NEURL1: variants seen among roughly 807,000 people sequenced by gnomAD.
The protein encoded by NEURL1 is E3 ubiquitin-protein ligase NEURL1.
In NEURL1, 26 loss-of-function variants were observed where a neutral mutation model predicts 41.2. That is an observed-to-expected ratio of 0.63 (90% CI 0.46 to 0.87). NEURL1 has a LOEUF of 0.87. NEURL1 is among the 40% of genes least tolerant of loss of function. The pLI, the probability that NEURL1 is intolerant of heterozygous loss-of-function variation, is 0.00. For missense variants in NEURL1, 761 were observed against 871.1 expected (o/e 0.87, Z 1.59); for synonymous variants, 400 against 402.3 (o/e 0.99, Z 0.07).
At chr10:103,550,984 T>A (rs1173762824) in intron 1 of NEURL1, 1 of 152,212 alleles carries the variant, frequency 6.6e-6, no homozygotes, top group Non-Finnish European at 1.5e-5. Flanking sequence ...ATATATTTAC[T>A]TATAGCCTCT....
At position 103,494,331 on chromosome 10, in the gene NEURL1, G is replaced by C. The variant is rs1248064759; in HGVS notation, c.-57G>C. ...GCGCACACTCGCACACCGCACCTCA[G>C]CGCCTGCCCGGCCTCGCCCCCACCC... On this transcript the variant is annotated 5_prime_UTR_variant, in exon 1 of 6. Transcript: ENST00000369780. 1.1e-5 allele frequency: 16 copies of C among 1,463,760 alleles called. No homozygotes were observed. Among genetic ancestry groups the C allele is most frequent in the Non-Finnish European group, 1.3e-5 (14 of 1,072,234 alleles). The allele number at this position is 1,463,760 out of a possible 1,614,324, so 90.7% of individuals were successfully genotyped here.
At chr10:103,557,029 A>G (rs2035171178) in intron 1 of NEURL1, among the ~76,000 whole-genome samples, 2 of 152,190 alleles carry the variant, frequency 1.3e-5, no homozygotes, top group East Asian at 1.9e-4. Context: ...ACCTTAGCTC[A>G]TGCTCTGGGA....
intron 1 of NEURL1, among the ~76,000 whole-genome samples, chr10:103,520,732 T>G (rs899643581): frequency 4.6e-5 from 7 of 151,930 alleles, no homozygotes; most frequent in Admixed American, 3.9e-4. Context: ...TATGGAGAGA[T>G]AATGGGTGAT....
intron 1 of NEURL1, among the ~76,000 whole-genome samples, chr10:103,561,312 A>G (rs1228660573): frequency 1.3e-5 from 2 of 149,984 alleles, no homozygotes; most frequent in East Asian, 3.9e-4. Flanking sequence ...CCCAGGCTAG[A>G]GTGCAGTGGT....
At chr10:103,496,218 A>G (rs1031978835) in intron 1 of NEURL1, among the ~76,000 whole-genome samples, 1 of 152,172 alleles carries the variant, frequency 6.6e-6, no homozygotes, top group Non-Finnish European at 1.5e-5. Context: ...CTAGGCTAGG[A>G]TGTTCATGGC....
chr10:103,585,225 G>C lies in NEURL1; in HGVS notation c.1339G>C (p.Gly447Arg). Residue 447 changes from glycine (G) to arginine (R), a missense_variant and splice_region_variant, in exon 4 of 6, where the codon GGC (glycine) becomes CGC (arginine). Gly to Arg is a moderately radical substitution (Grantham distance 125, BLOSUM62 -2). Coordinates refer to ENST00000369780, the MANE Select transcript of NEURL1 (RefSeq NM_004210.5). Reference sequence around the variant, plus strand: ...GACCATCACGCAGATCCGCATCCTCGGTGAGTGCCCGCAGCTGCGCCTGGG... The same window carrying C: ...GACCATCACGCAGATCCGCATCCTCCGTGAGTGCCCGCAGCTGCGCCTGGG... ...HGTITQIRIL[G>R]STILAERGIP... is the part of the protein sequence containing the mutation. 1.3e-6 allele frequency: 2 copies of C among 1,523,356 alleles called. No homozygotes were observed. The highest frequency in any genetic ancestry group is 1.8e-6 in the Non-Finnish European group (2 of 1,136,852). 94.4% of individuals were successfully genotyped at this position (1,523,356 alleles called of 1,614,324 possible).
chr10:103,534,810 G>A (rs935222931), intron 1 of NEURL1, among the ~76,000 whole-genome samples: 1 of 152,074 alleles, frequency 6.6e-6, no homozygotes, highest in Non-Finnish European at 1.5e-5. Flanking sequence ...TGCCACCTGG[G>A]TCATGGGGTG....
At position 103,587,761 on chromosome 10, in the gene NEURL1, C is replaced by A. The variant is rs1441262325; in HGVS notation, c.1340-1753C>A. Among the ~76,000 whole-genome samples, 3 of 152,210 alleles carry A rather than the reference C, an allele frequency of 2.0e-5. No individual in the cohort carries two copies. The South Asian group carries it at 6.2e-4, about 32-fold the overall frequency. On this transcript the variant is annotated intron_variant, in intron 4 of 5. Coordinates refer to ENST00000369780, the MANE Select transcript of NEURL1 (RefSeq NM_004210.5). Reference sequence around the variant, plus strand: ...GTTGTTCTGAAAATTCTGGCCAATGCAACAAGGCAAGAAAAGTAAATAGGA... The same window carrying A: ...GTTGTTCTGAAAATTCTGGCCAATGAAACAAGGCAAGAAAAGTAAATAGGA...
At chr10:103,578,487 A>C (rs921016161) in intron 3 of NEURL1, among the ~76,000 whole-genome samples, 2 of 152,226 alleles carry the variant, frequency 1.3e-5, no homozygotes, top group Admixed American at 6.5e-5. Flanking sequence ...GCTGCAGAGA[A>C]GGCCAGAGAG....
At chr10:103,582,940 C>T (rs1269276818) in intron 3 of NEURL1, among the ~76,000 whole-genome samples, 2 of 152,102 alleles carry the variant, frequency 1.3e-5, no homozygotes, top group Non-Finnish European at 2.9e-5. Flanking sequence ...TTTTTCAATC[C>T]TGGATCTGCC....
At chr10:103,544,027 C>T (rs1376718945) in intron 1 of NEURL1, among the ~76,000 whole-genome samples, 3 of 152,122 alleles carry the variant, frequency 2.0e-5, no homozygotes, top group Non-Finnish European at 4.4e-5. Context: ...TCCTGATGCT[C>T]GGGAGCCACA....
rs1210970416 is a variant in NEURL1, at chr10:103,589,626, G to A, written c.1452G>A (p.Thr484=). 6.2e-6 allele frequency: 10 copies of A among 1,613,356 alleles called. No homozygotes were observed. Among genetic ancestry groups the A allele is most frequent in the African/African-American group, 1.3e-5 (1 of 74,916 alleles). The part of the protein sequence containing the change: ...GSRLSDPLLS[T]CSSGPLGSSA... ...GCCTGTCTGACCCCTTGCTCAGCAC[G>A]TGCAGCTCTGGCCCTCTGGGTAGCT... The change falls in exon 5 of 6, where the codon ACG becomes ACA. Residue 484 remains threonine (T), a synonymous_variant. Coordinates refer to ENST00000369780, the MANE Select transcript of NEURL1 (RefSeq NM_004210.5).
At chr10:103,504,270 C>A (rs180924350) in intron 1 of NEURL1, among the ~76,000 whole-genome samples, 313 of 152,160 alleles carry the variant, frequency 2.1e-3, no homozygotes, top group Admixed American at 4.5e-3. Context: ...GGATTACAGG[C>A]GGGAGCCACT....
chr10:103,510,395 A>G (rs1018581452), intron 1 of NEURL1, among the ~76,000 whole-genome samples: 26 of 152,190 alleles, frequency 1.7e-4, no homozygotes, highest in African/African-American at 5.5e-4. Flanking sequence ...GCTTGGTCCA[A>G]TTAGTGCCAA....
chr10:103,573,347 C>T (rs534560906), intron 3 of NEURL1, among the ~76,000 whole-genome samples: 2 of 152,252 alleles, frequency 1.3e-5, no homozygotes, highest in African/African-American at 4.8e-5. Context: ...CCCTGAGCTA[C>T]AGAGACCGGC....
chr10:103,523,628 T>A (rs975772601), intron 1 of NEURL1, among the ~76,000 whole-genome samples: 7 of 152,182 alleles, frequency 4.6e-5, no homozygotes, highest in Admixed American at 1.3e-4. Context: ...TGCCTCTGGT[T>A]ACTATTCTGT....
At chr10:103,575,584 T>C (rs531100882) in intron 3 of NEURL1, among the ~76,000 whole-genome samples, 1 of 152,230 alleles carries the variant, frequency 6.6e-6, no homozygotes, top group South Asian at 2.1e-4. Context: ...AGGCAGGGGC[T>C]GGTGTCTCTC....
chr10:103,553,477 C>T (rs764172132), intron 1 of NEURL1, among the ~76,000 whole-genome samples: 1 of 151,152 alleles, frequency 6.6e-6, no homozygotes, highest in African/African-American at 2.4e-5. Context: ...CTTGTGCGGA[C>T]TCGGGTGTCG....
chr10:103,585,224 C>T lies in NEURL1; in HGVS notation c.1338C>T (p.Leu446=), dbSNP rs1372275527. The change falls in exon 4 of 6, where the codon CTC becomes CTT. Residue 446 remains leucine, a splice_region_variant and synonymous_variant. Coordinates refer to ENST00000369780, the MANE Select transcript of NEURL1 (RefSeq NM_004210.5). ...LHGTITQIRI[L]GSTILAERGI... ...GGACCATCACGCAGATCCGCATCCTCGGTGAGTGCCCGCAGCTGCGCCTGG... is the reference window on the plus strand; with the variant it reads ...GGACCATCACGCAGATCCGCATCCTTGGTGAGTGCCCGCAGCTGCGCCTGG... 6.6e-7 allele frequency: 1 copy of T among 1,522,928 alleles called. No individual in the cohort carries two copies. The highest frequency in any genetic ancestry group is 8.8e-7 in the Non-Finnish European group (1 of 1,136,696). The allele number at this position is 1,522,928 out of a possible 1,614,324, so 94.3% of individuals were successfully genotyped here. A position where few individuals can be genotyped will look rare whatever the true frequency, so the allele number is the denominator to read the frequency against.
Sources: gnomAD v4.1 joint callset for allele counts (sites outside exome capture counted in the v4.1 genomes callset) on GRCh38, gnomAD v4.1.1 for gene constraint, MANE v1.5 for transcripts, NCBI Gene and HGNC (gene_info 2026-07-23, HGNC 2026-07-21) for gene names.